Variants in VPS8 observed in about 807,000 individuals in gnomAD.
The protein encoded by VPS8 is VPS8 subunit of CORVET complex.
A neutral mutation model predicts 216.4 loss-of-function variants in VPS8; 129 were observed. The observed-to-expected ratio is 0.60, with a 90% confidence interval of 0.52 to 0.69. The LOEUF (loss-of-function observed/expected upper bound fraction) is 0.69, where lower values mean the gene tolerates loss of function less well. VPS8 is among the 30% of genes least tolerant of loss of function. The pLI, the probability that VPS8 is intolerant of heterozygous loss-of-function variation, is 0.00. For missense variants in VPS8, 1,531 were observed against 1,683.5 expected, an observed-to-expected ratio of 0.91 and a Z score of 1.59; for synonymous variants, 571 against 565.4, an observed-to-expected ratio of 1.01 and a Z score of -0.14.
chr3:185,009,135 C>G (rs1030332353), intron 45 of VPS8, among the ~76,000 whole-genome samples: 1 of 152,110 alleles, frequency 6.6e-6, no homozygotes, highest in African/African-American at 2.4e-5. Flanking sequence ...CGTACATTTC[C>G]CTTTGATGCA....
At chr3:184,962,724 AGTGTGTGTGTGTGTGT>A (rs10562348) in intron 37 of VPS8, among the ~76,000 whole-genome samples, 11 of 145,796 alleles carry the variant, frequency 7.5e-5, no homozygotes, top group Admixed American at 2.7e-4. Context: ...TTAAGGCTTA[AGTGTGTGTGTGTGTGT>A]GTGTGTGTGT....
chr3:184,941,243 C>CATTTAAATCTTGAATAGGCTGTGGTAA (rs147317730), intron 36 of VPS8, among the ~76,000 whole-genome samples: 1 of 80,410 alleles, frequency 1.2e-5, no homozygotes, highest in Non-Finnish European at 3.3e-5. Flanking sequence ...AAAGCTCAAC[C>CATTTAAATCTTGAATAGGCTGTGGTAA]ATTTAAATCT....
chr3:185,032,765 A>G (rs1178929759), intron 46 of VPS8, among the ~76,000 whole-genome samples: 1 of 151,804 alleles, frequency 6.6e-6, no homozygotes, highest in Non-Finnish European at 1.5e-5. Flanking sequence ...TCCCGGGTTC[A>G]TGGCATTCTC....
At chr3:185,035,028 A>G (rs535582191) in intron 46 of VPS8, among the ~76,000 whole-genome samples, 6 of 152,224 alleles carry the variant, frequency 3.9e-5, no homozygotes, top group East Asian at 1.9e-4. Context: ...AACATACACA[A>G]TCTCCTAAGA....
chr3:184,995,268 G>A (rs1752467295), intron 43 of VPS8, among the ~76,000 whole-genome samples: 2 of 152,180 alleles, frequency 1.3e-5, no homozygotes, highest in South Asian at 4.1e-4. Flanking sequence ...GTCTGTTGGA[G>A]ACAATGTCTG....
In VPS8 at chr3:184,993,999, A is replaced by G. The variant is rs777419082; in HGVS notation, c.3602A>G (p.Lys1201Arg). 6.4e-7 allele frequency: 1 copy of G among 1,565,262 alleles called. No individual in the cohort carries two copies. The highest frequency in any genetic ancestry group is 8.7e-7 in the Non-Finnish European group (1 of 1,155,970). Residue 1201 changes from lysine to arginine, a missense_variant, in exon 43 of 48, where the codon AAA (lysine) becomes AGA (arginine). Transcript: ENST00000625842. ...TCCGATTAGGATCCAGTTTATGGAA[A>G]AGGAAAACTTGGAGAAATCCAGGGA... Reference protein sequence around the residue: ...QRILQDPVYGKGKLGEIQGLI... With the variant: ...QRILQDPVYGRGKLGEIQGLI...
At chr3:184,879,915 G>T (rs1729990376) in intron 21 of VPS8, among the ~76,000 whole-genome samples, 1 of 152,158 alleles carries the variant, frequency 6.6e-6, no homozygotes, top group South Asian at 2.1e-4. Context: ...TATGGAAATA[G>T]ATTTGGCTTT....
intron 46 of VPS8, among the ~76,000 whole-genome samples, chr3:185,033,114 T>C (rs1051214022): frequency 3.9e-5 from 6 of 152,242 alleles, no homozygotes; most frequent in African/African-American, 1.4e-4. Flanking sequence ...CTTGTTCTAA[T>C]TGATGAGGCA....
At chr3:185,040,763 A>T (rs1486042165) in intron 46 of VPS8, among the ~76,000 whole-genome samples, 2 of 152,200 alleles carry the variant, frequency 1.3e-5, no homozygotes, top group Non-Finnish European at 2.9e-5. Context: ...CACATGTGCT[A>T]TTCATGCACA....
chr3:184,927,005 A>G (rs1739780346), intron 31 of VPS8, among the ~76,000 whole-genome samples: 2 of 152,314 alleles, frequency 1.3e-5, no homozygotes, highest in South Asian at 2.1e-4. Context: ...GAAACAAAAA[A>G]GCTGCAGGGT....
At chr3:184,913,796 G>A (rs1047808005) in intron 26 of VPS8, among the ~76,000 whole-genome samples, 2 of 152,146 alleles carry the variant, frequency 1.3e-5, no homozygotes, top group Admixed American at 6.5e-5. Context: ...GATGCTACTG[G>A]TATCTAGTGG....
In VPS8 at chr3:184,982,613, G is replaced by A. The variant is rs147001579; in HGVS notation, c.3468G>A (p.Leu1156=). 1.4e-5 allele frequency: 23 copies of A among 1,611,776 alleles called. No individual in the cohort carries two copies. The East Asian group carries it at 4.9e-4, about 34-fold the overall frequency. Residue 1156 remains leucine (L), a synonymous_variant, in exon 41 of 48, where the codon CTG becomes CTA. Coordinates refer to ENST00000625842, the MANE Select transcript of VPS8 (RefSeq NM_001009921.3). The part of the protein sequence containing the change: ...LLEAMMAPQK[L]SSSAIPHLHS... ...AGGCAATGATGGCCCCTCAGAAGCT[G>A]TCCAGTTCAGCCATTCCTCATCTAC...
chr3:184,948,634 A>G (rs535445138), intron 36 of VPS8, among the ~76,000 whole-genome samples: 5 of 152,266 alleles, frequency 3.3e-5, no homozygotes, highest in African/African-American at 1.2e-4. Flanking sequence ...GGGTGAATTC[A>G]TTTTTGCTTG....
chr3:184,984,194 A>AAAAAAAAAAAAAAAAAACCTCACCAAG, intron 42 of VPS8, among the ~76,000 whole-genome samples: 2 of 46,532 alleles, frequency 4.3e-5, no homozygotes, highest in African/African-American at 1.3e-4. Flanking sequence ...AAAAAAAAAA[A>AAAAAAAAAAAAAAAAAACCTCACCAAG]CTCTACTTCC....
chr3:185,005,003 T>G (rs1754045888), intron 45 of VPS8, among the ~76,000 whole-genome samples: 1 of 152,018 alleles, frequency 6.6e-6, no homozygotes, highest in South Asian at 2.1e-4. Context: ...TTTTATGGAT[T>G]CAGGGCTTAG....
rs1752620409 is a variant in VPS8 at position 184,996,414 on chromosome 3, G to C, written c.3749G>C (p.Gly1250Ala). The change falls in exon 44 of 48, where the codon GGA (glycine) becomes GCA (alanine). Residue 1250 changes from glycine (G) to alanine (A), a missense_variant. By Grantham distance (60) the Gly-to-Ala change is moderately conservative. Transcript: ENST00000625842. ...AACCTGAGAGCTTCGGTCACCAGAG[G>C]ACTGAATCCCAAACAAGATTACTGC... ...LCNLRASVTR[G>A]LNPKQDYCSI... 3 of 1,613,860 alleles carry C rather than the reference G, an allele frequency of 1.9e-6. No individual in the cohort carries two copies. The highest frequency in any genetic ancestry group is 2.5e-6 in the Non-Finnish European group (3 of 1,179,828).
intron 44 of VPS8, 120 bp downstream of exon 44, chr3:184,996,621 T>C: frequency 8.6e-7 from 1 of 1,168,052 alleles, no homozygotes; most frequent in Non-Finnish European, 1.2e-6. Context: ...GGCAAGTTCC[T>C]GCCCTCACAG....
chr3:184,972,715 G>A (rs1449586586), intron 40 of VPS8, among the ~76,000 whole-genome samples: 1 of 152,232 alleles, frequency 6.6e-6, no homozygotes, highest in African/African-American at 2.4e-5. Flanking sequence ...AGGTATCGTT[G>A]AGCAGCAGGT....
At chr3:184,905,660 A>G (rs2109018299) in intron 25 of VPS8, among the ~76,000 whole-genome samples, 1 of 143,884 alleles carries the variant, frequency 7.0e-6, no homozygotes, top group African/African-American at 2.6e-5. Context: ...AATATTTTTA[A>G]TTCTTTGGTT....
Sources: gnomAD v4.1 joint callset for allele counts (sites outside exome capture counted in the v4.1 genomes callset) on GRCh38, gnomAD v4.1.1 for gene constraint, MANE v1.5 for transcripts, NCBI Gene and HGNC (gene_info 2026-07-23, HGNC 2026-07-21) for gene names.